The following PRDM10 variants were observed in gnomAD, a reference collection of about 807,000 sequenced individuals.
PRDM10 encodes the protein PR domain zinc finger protein 10.
A neutral mutation model predicts 133.1 loss-of-function variants in PRDM10; 65 were observed. The ratio of observed to expected loss-of-function variants is 0.49; its 90% CI spans 0.40 to 0.60. The LOEUF (loss-of-function observed/expected upper bound fraction) is 0.60. Among genes scored for constraint, PRDM10 ranks in the 20% least tolerant of loss-of-function variants. The pLI is 0.00. For missense variants in PRDM10, 1,137 were observed against 1,507.1 expected, an observed-to-expected ratio of 0.75 and a Z score of 4.07; for synonymous variants, 582 against 580.4, an observed-to-expected ratio of 1.00 and a Z score of -0.04.
chr11:129,970,532 A>T (rs149092755), intron 1 of PRDM10, among the ~76,000 whole-genome samples: 19 of 151,556 alleles, frequency 1.3e-4, no homozygotes, highest in African/African-American at 4.6e-4. Context: ...ACCATGTAAC[A>T]ATCATACCCA....
intron 9 of PRDM10, 36 bp downstream of exon 9, chr11:129,935,065 G>T: frequency 1.3e-6 from 2 of 1,526,018 alleles, no homozygotes; most frequent in South Asian, 1.1e-5. Context: ...GAACCTTTAT[G>T]AACTCAGTCT....
intron 20 of PRDM10, among the ~76,000 whole-genome samples, chr11:129,903,640 A>T (rs564483356): frequency 6.6e-6 from 1 of 152,334 alleles, no homozygotes. Flanking sequence ...ACAGAGGAAG[A>T]GAGACGTCGC....
chr11:129,933,826 G>A (rs1591624280), intron 9 of PRDM10, among the ~76,000 whole-genome samples: 1 of 152,130 alleles, frequency 6.6e-6, no homozygotes, highest in Admixed American at 6.5e-5. Flanking sequence ...ATTTACCCCT[G>A]TGGTCACATT....
At chr11:129,999,624 T>G (rs1184160006) in intron 1 of PRDM10, among the ~76,000 whole-genome samples, 2 of 152,182 alleles carry the variant, frequency 1.3e-5, no homozygotes, top group Admixed American at 1.3e-4. Flanking sequence ...TTACCAGATA[T>G]AATTACGCGG....
chr11:129,967,115 G>A (rs182516384), intron 1 of PRDM10, among the ~76,000 whole-genome samples: 126 of 152,296 alleles, frequency 8.3e-4, no homozygotes, highest in African/African-American at 3.0e-3. Context: ...GTGAAGCCGG[G>A]CGCGGTGGCT....
chr11:129,993,932 G>A (rs1938894521), intron 1 of PRDM10, among the ~76,000 whole-genome samples: 1 of 152,106 alleles, frequency 6.6e-6, no homozygotes, highest in African/African-American at 2.4e-5. Context: ...GATTACATTA[G>A]ATCTATAAAT....
chr11:129,937,053 G>A (rs1951056627), intron 8 of PRDM10, among the ~76,000 whole-genome samples: 1 of 152,218 alleles, frequency 6.6e-6, no homozygotes, highest in Non-Finnish European at 1.5e-5. Flanking sequence ...TGCACAATTT[G>A]TTAACAAGCA....
chr11:129,912,300 G>A (rs1217938847), intron 17 of PRDM10, 75 bp from the exon 18 acceptor site: 1 of 1,372,146 alleles, frequency 7.3e-7, no homozygotes, highest in Non-Finnish European at 9.8e-7. Context: ...CCAGAGAAAA[G>A]GTTCAGTTAA....
At chr11:129,956,183 TA>T (rs1371823904) in intron 3 of PRDM10, among the ~76,000 whole-genome samples, 1 of 152,238 alleles carries the variant, frequency 6.6e-6, no homozygotes, top group Non-Finnish European at 1.5e-5. Context: ...CAAAGCTAAC[TA>T]GAGAAAATTC....
chr11:129,906,966 A>T (rs970899770), intron 19 of PRDM10, among the ~76,000 whole-genome samples: 1 of 149,206 alleles, frequency 6.7e-6, no homozygotes, highest in Non-Finnish European at 1.5e-5. Context: ...TGACAAAGCG[A>T]GACTCCATTT....
chr11:129,975,153 A>C (rs1288374686), intron 1 of PRDM10, among the ~76,000 whole-genome samples: 2 of 152,188 alleles, frequency 1.3e-5, no homozygotes, highest in Non-Finnish European at 2.9e-5. Flanking sequence ...TAGGCCGGGC[A>C]TAGTGGCTCA....
chr11:129,984,271 C>A (rs570798589), intron 1 of PRDM10, among the ~76,000 whole-genome samples: 1 of 152,208 alleles, frequency 6.6e-6, no homozygotes, highest in Non-Finnish European at 1.5e-5. Context: ...GCCTTCTCTG[C>A]GCACCAGCTA....
chr11:129,923,257 C>T lies in PRDM10; in HGVS notation c.2025G>A (p.Lys675=). ...RKDFLCSTCG[K]QFKRKDKLRE... is the part of the protein sequence containing the mutation. Reference sequence around the variant, plus strand: ...TGCCTTGGTGTCATACCTTAAATTGCTTCCCACAGGTGGAACACAGGAAGT... The same window carrying T: ...TGCCTTGGTGTCATACCTTAAATTGTTTCCCACAGGTGGAACACAGGAAGT... The change falls in exon 13 of 21, where the codon AAG becomes AAA. Residue 675 remains lysine, a synonymous_variant. Transcript: ENST00000360871. This position sits in a 1 kb window ranked among gnomAD's most constrained non-coding sequence, Gnocchi z 4.4. 6.3e-7 allele frequency: 1 copy of T among 1,582,358 alleles called. No homozygotes were observed. The highest frequency in any genetic ancestry group is 8.6e-7 in the Non-Finnish European group (1 of 1,163,006).
chr11:129,971,426 A>G (rs1257232762), intron 1 of PRDM10, among the ~76,000 whole-genome samples: 1 of 152,036 alleles, frequency 6.6e-6, no homozygotes, highest in African/African-American at 2.4e-5. Flanking sequence ...GATTAGTTAG[A>G]TACAGAGTGT....
chr11:129,901,716 T>C lies in PRDM10; in HGVS notation c.*597A>G, dbSNP rs1565440605. On this transcript the variant is annotated 3_prime_UTR_variant, in exon 21 of 21. Transcript: ENST00000360871. ...ACAGCCCAACAATAGTTTTCTAAAA[T>C]AGGGAAGTTAAAAAAAATCAGCAAG... 6.6e-6 allele frequency: 1 copy of C among 152,172 alleles called. No individual in the cohort carries two copies. The highest frequency in any genetic ancestry group is 2.4e-5 in the African/African-American group (1 of 41,426). 9.4% of individuals were successfully genotyped at this position (152,172 alleles called of 1,614,324 possible).
chr11:129,943,955 G>C (rs908797486), intron 6 of PRDM10, among the ~76,000 whole-genome samples: 4 of 152,104 alleles, frequency 2.6e-5, no homozygotes, highest in Admixed American at 1.3e-4. Flanking sequence ...TTGCACCACT[G>C]CACTTCAGCC....
chr11:129,951,797 G>C (rs1223206061), intron 4 of PRDM10, among the ~76,000 whole-genome samples: 5 of 152,144 alleles, frequency 3.3e-5, no homozygotes. Context: ...ACAAAGAGGA[G>C]ACTATGCCTG....
intron 1 of PRDM10, among the ~76,000 whole-genome samples, chr11:129,964,106 G>A (rs1182544887): frequency 6.6e-6 from 1 of 152,174 alleles, no homozygotes. Flanking sequence ...GAGATGTGGT[G>A]TCCTTCCGAT....
At chr11:129,917,084 AG>A in intron 15 of PRDM10, 42 bp downstream of exon 15, 1 of 1,435,526 alleles carries the variant, frequency 7.0e-7, no homozygotes, top group Non-Finnish European at 9.7e-7. Flanking sequence ...AGCTCTAAGC[AG>A]GGAACCCCAG....
Sources: allele counts gnomAD v4.1 joint callset (sites outside exome capture counted in the v4.1 genomes callset), GRCh38; gene constraint gnomAD v4.1.1; non-coding constraint Gnocchi (gnomAD v3.1); transcripts MANE v1.5; gene names NCBI Gene and HGNC (gene_info 2026-07-23, HGNC 2026-07-21).